Variants in CNTLN observed in about 807,000 individuals in gnomAD.
CNTLN encodes the protein centlein.
Under a neutral mutation model 180.0 loss-of-function variants are expected in CNTLN, and 212 were observed. The observed-to-expected ratio is 1.18, with a 90% CI of 1.05 to 1.32. The LOEUF is 1.32. Ranked by LOEUF, CNTLN falls within the 40% of genes most tolerant of loss-of-function variation. The probability of loss-of-function intolerance (pLI) is 0.00; values close to 1 mark genes in which losing one functional copy is unlikely to be tolerated. For synonymous variants in CNTLN, 722 were observed against 563.1 expected, an observed-to-expected ratio of 1.28 and a Z score of -3.99; for missense variants, 2,095 against 1,610.9, an observed-to-expected ratio of 1.30 and a Z score of -5.14.
chr9:17,447,232 T>G (rs1830492913), intron 18 of CNTLN: 1 of 215,314 alleles, frequency 4.6e-6, no homozygotes, highest in African/African-American at 2.3e-5. Context: ...AGTAATTAAG[T>G]TCCAACAGAG....
chr9:17,312,366 A>ATATAT (rs1819224037), intron 8 of CNTLN, among the ~76,000 whole-genome samples: 3 of 9,316 alleles, frequency 3.2e-4, no homozygotes, highest in Non-Finnish European at 3.9e-4. Flanking sequence ...TATATATATT[A>ATATAT]TATATATATA....
intron 2 of CNTLN, among the ~76,000 whole-genome samples, chr9:17,169,065 A>G (rs991022360): frequency 6.6e-6 from 1 of 152,176 alleles, no homozygotes; most frequent in African/African-American, 2.4e-5. Context: ...TGGTGTGATC[A>G]TAGCTCACTG....
intron 2 of CNTLN, among the ~76,000 whole-genome samples, chr9:17,195,426 T>C (rs910570689): frequency 2.6e-5 from 4 of 151,856 alleles, no homozygotes; most frequent in Admixed American, 1.3e-4. Context: ...CTATTGTTTT[T>C]TTCCTTTTTG....
intron 8 of CNTLN, among the ~76,000 whole-genome samples, chr9:17,309,500 G>C (rs1011309060): frequency 2.6e-5 from 4 of 152,034 alleles, no homozygotes; most frequent in Non-Finnish European, 5.9e-5. Flanking sequence ...TGAAACATTT[G>C]GCTGATATAC....
In CNTLN at chr9:17,487,134, G is replaced by T. The variant is rs529653056; in HGVS notation, c.4119+68G>T. On this transcript the variant is annotated intron_variant, in intron 25 of 25. Coordinates refer to ENST00000380647, the MANE Select transcript of CNTLN (RefSeq NM_017738.4). ...AATTCCAAGCCTTACATTTTCACCA[G>T]ATGTCTAACTTTTTGTAAACACTTC... The T allele has an allele frequency of 5.7e-5, 60 of 1,058,666 alleles. No homozygotes were observed. The African/African-American group carries it at 8.4e-4, about 15-fold the overall frequency. The allele number at this position is 1,058,666 out of a possible 1,614,324, so 65.6% of individuals were successfully genotyped here.
intron 2 of CNTLN, among the ~76,000 whole-genome samples, chr9:17,169,187 A>G (rs1347591296): frequency 6.6e-6 from 1 of 152,026 alleles, no homozygotes; most frequent in African/African-American, 2.4e-5. Context: ...TTTTGTACAC[A>G]TGGGGTCTTG....
chr9:17,269,673 T>C (rs981266187), intron 5 of CNTLN, among the ~76,000 whole-genome samples: 2 of 152,164 alleles, frequency 1.3e-5, no homozygotes, highest in Admixed American at 1.3e-4. Flanking sequence ...TTGAGCCTTG[T>C]TTTATGGTCT....
At chr9:17,374,654 G>A (rs1473785431) in intron 13 of CNTLN, among the ~76,000 whole-genome samples, 1 of 152,084 alleles carries the variant, frequency 6.6e-6, no homozygotes, top group Non-Finnish European at 1.5e-5. Flanking sequence ...GAGGTCAGGA[G>A]TTTGAGACCA....
In CNTLN at chr9:17,302,416, C is replaced by T. The variant is rs113282737; in HGVS notation, c.1146+4064C>T. On this transcript the variant is annotated intron_variant, in intron 7 of 25. Transcript: ENST00000380647. ...GTTTCACCATGTTGACTAGGCTGGTCTCGAACTCCTTACCTCAGGTGATCC... is the reference window on the plus strand; with the variant it reads ...GTTTCACCATGTTGACTAGGCTGGTTTCGAACTCCTTACCTCAGGTGATCC... Among the ~76,000 whole-genome samples, 10 of 152,236 alleles carry T rather than the reference C, an allele frequency of 6.6e-5. 1 individual carries two copies. The highest frequency in any genetic ancestry group is 2.4e-4 in the African/African-American group (10 of 41,540).
chr9:17,357,980 TATAATCAA>T (rs1413143706), intron 12 of CNTLN, among the ~76,000 whole-genome samples: 2 of 152,026 alleles, frequency 1.3e-5, no homozygotes, highest in African/African-American at 4.8e-5. Flanking sequence ...AAGAATGATA[TATAATCAA>T]ATGTAGGAAT....
At chr9:17,420,488 T>A (rs1257134658) in intron 18 of CNTLN, among the ~76,000 whole-genome samples, 1 of 152,154 alleles carries the variant, frequency 6.6e-6, no homozygotes, top group Non-Finnish European at 1.5e-5. Flanking sequence ...TTGTTTTACT[T>A]TTTGAGAAAC....
At chr9:17,416,433 T>A (rs1396803106) in intron 18 of CNTLN, among the ~76,000 whole-genome samples, 1 of 152,172 alleles carries the variant, frequency 6.6e-6, no homozygotes, top group Non-Finnish European at 1.5e-5. Flanking sequence ...GCGTTCCTGT[T>A]CCTCTTAGTT....
intron 2 of CNTLN, chr9:17,168,589 G>A (rs1043024656): frequency 1.3e-5 from 2 of 151,980 alleles, no homozygotes; most frequent in South Asian, 2.1e-4. Flanking sequence ...TGTGATCTTC[G>A]ATTAATTTGA....
chr9:17,454,521 A>G (rs982386405), intron 18 of CNTLN, among the ~76,000 whole-genome samples: 23 of 152,320 alleles, frequency 1.5e-4, no homozygotes, highest in African/African-American at 5.5e-4. Flanking sequence ...GTTTTCTGTC[A>G]TGGGAGAAAT....
chr9:17,439,376 C>T (rs1467065841), intron 18 of CNTLN, among the ~76,000 whole-genome samples: 1 of 151,992 alleles, frequency 6.6e-6, no homozygotes, highest in Non-Finnish European at 1.5e-5. Flanking sequence ...TTATCTAACA[C>T]AAGTGAAGTA....
At chr9:17,172,864 A>G (rs541219759) in intron 2 of CNTLN, among the ~76,000 whole-genome samples, 1 of 152,174 alleles carries the variant, frequency 6.6e-6, no homozygotes, top group Non-Finnish European at 1.5e-5. Context: ...GGCCTCCAAC[A>G]TGATTAATAT....
chr9:17,289,909 T>A (rs1587511890), intron 6 of CNTLN, among the ~76,000 whole-genome samples: 1 of 142,426 alleles, frequency 7.0e-6, no homozygotes, highest in East Asian at 2.0e-4. Context: ...TATACATTCT[T>A]CTAAATTTTT....
intron 2 of CNTLN, among the ~76,000 whole-genome samples, chr9:17,150,105 G>T (rs572563287): frequency 4.6e-5 from 7 of 152,258 alleles, no homozygotes; most frequent in African/African-American, 1.7e-4. Flanking sequence ...TAGGTTGCCT[G>T]TTCACTCTGA....
chr9:17,220,405 G>GT (rs1489112075), intron 2 of CNTLN, among the ~76,000 whole-genome samples: 5 of 152,042 alleles, frequency 3.3e-5, no homozygotes, highest in East Asian at 1.9e-4. Context: ...TAACCGTACA[G>GT]TTTTTTTAAA....
Sources: gnomAD v4.1 joint callset for allele counts (sites outside exome capture counted in the v4.1 genomes callset) on GRCh38, gnomAD v4.1.1 for gene constraint, MANE v1.5 for transcripts, NCBI Gene and HGNC (gene_info 2026-07-23, HGNC 2026-07-21) for gene names.